The following TOGARAM1 variants were observed in gnomAD, a reference collection of about 807,000 sequenced individuals.
The protein encoded by TOGARAM1 is TOG array regulator of axonemal microtubules protein 1.
TOGARAM1 carries 100 observed loss-of-function variants against 166.6 expected under a neutral mutation model. That is an observed-to-expected ratio of 0.60 (90% CI 0.51 to 0.71). The LOEUF (loss-of-function observed/expected upper bound fraction) is 0.71, where lower values mean the gene tolerates loss of function less well. Among genes scored for constraint, TOGARAM1 ranks in the 30% least tolerant of loss-of-function variants. The probability of loss-of-function intolerance (pLI) is 0.00; values close to 1 mark genes in which losing one functional copy is unlikely to be tolerated. For missense variants in TOGARAM1, 2,029 were observed against 2,102.7 expected (o/e 0.96, Z 0.69); for synonymous variants, 758 against 763.8 (o/e 0.99, Z 0.13).
chr14:45,069,198 A>G (rs10146395), intron 18 of TOGARAM1, among the ~76,000 whole-genome samples: 24,286 of 151,754 alleles, frequency 0.16, 3,641 homozygotes, highest in African/African-American at 0.4. Context: ...GTGAAACCCC[A>G]TCTCTACTAT....
intron 10 of TOGARAM1, among the ~76,000 whole-genome samples, chr14:45,028,958 CAAG>C (rs1249329371): frequency 2.0e-5 from 3 of 152,188 alleles, no homozygotes; most frequent in Admixed American, 1.3e-4. Flanking sequence ...ACAAAATACT[CAAG>C]AAGGTTACAA....
intron 11 of TOGARAM1, among the ~76,000 whole-genome samples, chr14:45,036,694 C>G (rs942731259): frequency 6.6e-6 from 1 of 152,188 alleles, no homozygotes; most frequent in African/African-American, 2.4e-5. Context: ...CAAAATACCA[C>G]TAGGCTGAAA....
chr14:45,017,713 A>G (rs908732104), intron 7 of TOGARAM1, among the ~76,000 whole-genome samples: 1 of 152,028 alleles, frequency 6.6e-6, no homozygotes, highest in Non-Finnish European at 1.5e-5. Flanking sequence ...GCGAAACCCC[A>G]TCTCTACTAA....
intron 1 of TOGARAM1, among the ~76,000 whole-genome samples, chr14:44,992,072 TAAAAAAAAAAAAA>T (rs71108676): frequency 5.0e-4 from 19 of 37,966 alleles, no homozygotes; most frequent in East Asian, 2.2e-3. Flanking sequence ...CCCTGTCTGT[TAAAAAAAAAAAAA>T]AAAAAAAAAA....
intron 13 of TOGARAM1, among the ~76,000 whole-genome samples, chr14:45,045,747 A>T (rs1594688624): frequency 7.0e-6 from 1 of 142,738 alleles, no homozygotes; most frequent in East Asian, 2.0e-4. Context: ...ACACATATGT[A>T]TATATATACA....
At chr14:45,060,249 T>C (rs1882845933) in intron 16 of TOGARAM1, among the ~76,000 whole-genome samples, 1 of 143,690 alleles carries the variant, frequency 7.0e-6, no homozygotes, top group Non-Finnish European at 1.5e-5. Flanking sequence ...GGAGTCTTAC[T>C]CTGTCACCCA....
intron 19 of TOGARAM1, among the ~76,000 whole-genome samples, chr14:45,072,705 G>A (rs1476856358): frequency 3.3e-5 from 5 of 152,012 alleles, no homozygotes; most frequent in South Asian, 2.1e-4. Context: ...AATTTCAGGC[G>A]TGAGCCACTG....
At chr14:45,035,248 T>C (rs1451557453) in intron 11 of TOGARAM1, among the ~76,000 whole-genome samples, 1 of 152,062 alleles carries the variant, frequency 6.6e-6, no homozygotes, top group Non-Finnish European at 1.5e-5. Context: ...TAGTCCCAGC[T>C]ACTGGGGCGA....
intron 11 of TOGARAM1, among the ~76,000 whole-genome samples, chr14:45,039,773 C>G (rs1881631254): frequency 6.6e-6 from 1 of 152,172 alleles, no homozygotes; most frequent in Non-Finnish European, 1.5e-5. Flanking sequence ...ATGCCCAGGT[C>G]TGCAGCTGTG....
At chr14:45,016,627 G>A (rs1360405368) in intron 7 of TOGARAM1, among the ~76,000 whole-genome samples, 3 of 152,062 alleles carry the variant, frequency 2.0e-5, no homozygotes, top group Admixed American at 6.6e-5. Flanking sequence ...GAACTCCTGG[G>A]CCCAAAGAAT....
rs145685234 is a variant in TOGARAM1, at chr14:45,004,999, G to A, written c.2644+633G>A. Among the ~76,000 whole-genome samples, 848 of 151,538 alleles carry A rather than the reference G, an allele frequency of 5.6e-3. 11 individuals are homozygous for A. Among genetic ancestry groups the A allele is most frequent in the African/African-American group, 0.02 (811 of 41,328 alleles). On this transcript the variant is annotated intron_variant, in intron 4 of 19. Transcript: ENST00000361462. ...GTGCAATGGTGCGATCTTGGCTCACGGCATCCTCCACCTCCAAGTGATTCT... is the reference window on the plus strand; with the variant it reads ...GTGCAATGGTGCGATCTTGGCTCACAGCATCCTCCACCTCCAAGTGATTCT...
rs186746780 is a variant in TOGARAM1 at position 44,992,470 on chromosome 14, A to T, written c.2047-3276A>T. 2.0e-3 allele frequency among the ~76,000 whole-genome samples: 311 copies of T among 152,262 alleles called. 1 individual carries two copies. Among genetic ancestry groups the T allele is most frequent in the Non-Finnish European group, 3.0e-3 (203 of 68,014 alleles). On this transcript the variant is annotated intron_variant, in intron 1 of 19. Coordinates refer to ENST00000361462, the MANE Select transcript of TOGARAM1 (RefSeq NM_001308120.2). ...TATAGGTGATTTCTGAGAGAATTAG[A>T]TATTAAAAGGTCTTTTTCTGGTAAT...
At position 44,963,710 on chromosome 14, in the gene TOGARAM1, A is replaced by T; in HGVS notation, c.1289A>T (p.Gln430Leu). 1.2e-6 allele frequency: 2 copies of T among 1,614,008 alleles called. No homozygotes were observed. The highest frequency in any genetic ancestry group is 2.2e-5 in the East Asian group (1 of 44,882). Residue 430 changes from glutamine (Q) to leucine (L), a missense_variant, in exon 1 of 20, where the codon CAG becomes CTG. Gln to Leu is a moderately radical substitution (Grantham distance 113, BLOSUM62 -2). Around this residue, in one of 2 missense-constraint regions of TOGARAM1, gnomAD observed 1,453 missense variants for 1,432.2 expected, o/e 1.01. Transcript: ENST00000361462. The part of the protein sequence containing the change: ...LLVIRLGEQV[Q>L]QFLGPVIAAS... ...GTTATTCGCCTTGGAGAGCAGGTAC[A>T]GCAGTTCTTGGGACCAGTTATAGCA...
intron 1 of TOGARAM1, among the ~76,000 whole-genome samples, chr14:44,968,657 C>T (rs1041159312): frequency 3.9e-5 from 6 of 152,278 alleles, no homozygotes; most frequent in Admixed American, 3.3e-4. Flanking sequence ...CCACCTCATC[C>T]GGTACTTTAG....
intron 11 of TOGARAM1, among the ~76,000 whole-genome samples, chr14:45,033,880 G>C (rs1881292443): frequency 6.6e-6 from 1 of 152,146 alleles, no homozygotes; most frequent in African/African-American, 2.4e-5. Context: ...TAGTTTTCAA[G>C]GGGTGGGCAC....
rs1254551955 is a variant in TOGARAM1 at position 45,073,447 on chromosome 14, A to C, written c.5208A>C (p.Lys1736Asn). 5.0e-6 allele frequency: 8 copies of C among 1,614,072 alleles called. No individual in the cohort carries two copies. Among genetic ancestry groups the C allele is most frequent in the Non-Finnish European group, 6.8e-6 (8 of 1,180,030 alleles). ...NIRTATAKLSKALFAQMGQNL... is the reference protein window; with the variant it reads ...NIRTATAKLSNALFAQMGQNL... Reference sequence around the variant, plus strand: ...GAACAGCCACAGCTAAATTATCAAAAGCACTCTTTGCACAGATGGGTCAGA... The same window carrying C: ...GAACAGCCACAGCTAAATTATCAAACGCACTCTTTGCACAGATGGGTCAGA... The change falls in exon 20 of 20, where the codon AAA (lysine) becomes AAC (asparagine). Residue 1736 changes from lysine (K) to asparagine (N), a missense_variant. Around this residue, in one of 2 missense-constraint regions of TOGARAM1, gnomAD observed 576 missense variants for 670.5 expected, o/e 0.86. Transcript: ENST00000361462.
At chr14:45,048,381 G>A (rs1882192608) in intron 14 of TOGARAM1, among the ~76,000 whole-genome samples, 1 of 146,182 alleles carries the variant, frequency 6.8e-6, no homozygotes, top group African/African-American at 2.5e-5. Context: ...TTAAAGTAAA[G>A]AAGTATATAA....
Position 44,963,806 on chromosome 14 carries a change from T to C in TOGARAM1, c.1385T>C (p.Leu462Pro), listed in dbSNP as rs763855732. The C allele has an allele frequency of 6.2e-7, 1 of 1,613,994 alleles. No individual in the cohort carries two copies. The highest frequency in any genetic ancestry group is 1.3e-5 in the African/African-American group (1 of 74,916). ...KQEYMKIFLKLMKEVGPQQVL... is the reference protein window; with the variant it reads ...KQEYMKIFLKPMKEVGPQQVL... ...GAATACATGAAAATCTTCCTCAAGC[T>C]AATGAAGGAAGTAGGACCTCAGCAG... Residue 462 changes from leucine to proline, a missense_variant, in exon 1 of 20, where the codon CTA becomes CCA. This residue lies in a region of TOGARAM1 where 1,453 missense variants were observed against 1,432.2 expected (regional missense o/e 1.01). Transcript: ENST00000361462.
At chr14:45,062,850 T>C (rs1882959679) in intron 16 of TOGARAM1, among the ~76,000 whole-genome samples, 1 of 152,194 alleles carries the variant, frequency 6.6e-6, no homozygotes, top group Non-Finnish European at 1.5e-5. Context: ...TGTAACTCCA[T>C]TGCAAATCGA....
Sources: gnomAD v4.1 joint callset for allele counts (sites outside exome capture counted in the v4.1 genomes callset) on GRCh38, gnomAD v4.1.1 for gene constraint, gnomAD v4.1.1 regional missense constraint, MANE v1.5 for transcripts, NCBI Gene and HGNC (gene_info 2026-07-23, HGNC 2026-07-21) for gene names.